NALCN: variants seen among roughly 807,000 people sequenced by gnomAD.
NALCN encodes sodium leak channel NALCN.
Under a neutral mutation model 225.3 loss-of-function variants are expected in NALCN, and 111 were observed. The observed-to-expected ratio is 0.49, with a 90% CI of 0.42 to 0.58. The LOEUF (loss-of-function observed/expected upper bound fraction) is 0.58, where lower values mean the gene tolerates loss of function less well. Ranked by LOEUF, NALCN falls within the 20% of genes least tolerant of loss-of-function variation. NALCN has a pLI of 0.00. For synonymous variants in NALCN, 764 were observed against 769.0 expected (o/e 0.99, Z 0.11); for missense variants, 1,378 against 2,202.4 (o/e 0.63, Z 7.49).
Position 101,059,964 on chromosome 13 carries a change from G to A in NALCN, c.4759C>T (p.Gln1587Ter). Reference protein sequence around the residue: ...KKCLKRIRAKQQQSCSIIHSL... With the variant: ...KKCLKRIRAK Reference sequence around the variant, plus strand: ...TGGATGATACTGCACGACTGCTGCTGTTTCTATGGAAATGCGATTGTTTGT... The same window carrying A: ...TGGATGATACTGCACGACTGCTGCTATTTCTATGGAAATGCGATTGTTTGT... Residue 1587 changes from glutamine (Q) to a stop codon, truncating the protein, a stop_gained, in exon 42 of 44, where the codon CAG becomes TAG. Transcript: ENST00000251127. LOFTEE classifies it high-confidence loss of function. 1 of 1,613,854 alleles carries A rather than the reference G, an allele frequency of 6.2e-7. No homozygotes were observed.
chr13:101,250,221 T>A (rs2140189142), intron 11 of NALCN, among the ~76,000 whole-genome samples: 1 of 152,212 alleles, frequency 6.6e-6, no homozygotes, highest in South Asian at 2.1e-4. Context: ...TTAGAATAAC[T>A]GAATAGAGAT....
At chr13:101,151,696 T>C (rs886723710) in intron 15 of NALCN, among the ~76,000 whole-genome samples, 7 of 152,214 alleles carry the variant, frequency 4.6e-5, no homozygotes, top group Admixed American at 3.3e-4. Flanking sequence ...ATTCAGAACA[T>C]AGAGTCTTGC....
Position 101,278,793 on chromosome 13 carries a change from T to C in NALCN, c.1134+5140A>G, listed in dbSNP as rs138716813. Among the ~76,000 whole-genome samples, 137 of 152,290 alleles carry C rather than the reference T, an allele frequency of 9.0e-4. 1 individual carries two copies. The highest frequency in any genetic ancestry group is 3.2e-3 in the African/African-American group (132 of 41,568). On this transcript the variant is annotated intron_variant, in intron 10 of 43. Coordinates refer to ENST00000251127, the MANE Select transcript of NALCN (RefSeq NM_052867.4). ...GCACTTTCTGGAAGCAAACTCCAAGTGTACTGCTTGCTTTAGACTCCAACG... is the reference window on the plus strand; with the variant it reads ...GCACTTTCTGGAAGCAAACTCCAAGCGTACTGCTTGCTTTAGACTCCAACG...
intron 33 of NALCN, among the ~76,000 whole-genome samples, chr13:101,082,362 T>G (rs891844459): frequency 6.6e-5 from 10 of 152,182 alleles, no homozygotes; most frequent in African/African-American, 2.2e-4. Context: ...CAAAAGGCCA[T>G]AGATTTTGGG....
intron 9 of NALCN, among the ~76,000 whole-genome samples, chr13:101,284,776 C>T (rs9513880): frequency 0.26 from 38,965 of 151,934 alleles, 5,739 homozygotes; most frequent in South Asian, 0.33. Context: ...GAATTAGATA[C>T]CTAGGTTATT....
rs2040979657 is a variant in NALCN at position 101,222,501 on chromosome 13, T to G, written c.1626+6892A>C. 1.3e-5 allele frequency among the ~76,000 whole-genome samples: 2 copies of G among 152,058 alleles called. 1 individual carries two copies. The highest frequency in any genetic ancestry group is 2.9e-5 in the Non-Finnish European group (2 of 68,016). On this transcript the variant is annotated intron_variant, in intron 13 of 43. Transcript: ENST00000251127. ...TTTCACCATCTTACTTCCACTCACATAAAGGGAGCCCCAGACTGGTTTATA... is the reference window on the plus strand; with the variant it reads ...TTTCACCATCTTACTTCCACTCACAGAAAGGGAGCCCCAGACTGGTTTATA...
intron 35 of NALCN, 80 bp from the exon 36 acceptor site, chr13:101,074,742 GAAT>G: frequency 3.2e-6 from 4 of 1,233,136 alleles, no homozygotes; most frequent in South Asian, 1.6e-5. Flanking sequence ...GAGAGAGAGA[GAAT>G]ATTCAATCTA....
intron 15 of NALCN, among the ~76,000 whole-genome samples, chr13:101,151,823 G>A (rs1224019518): frequency 6.6e-6 from 1 of 152,156 alleles, no homozygotes; most frequent in Non-Finnish European, 1.5e-5. Context: ...GATCACACAT[G>A]TTGGTTTTTA....
chr13:101,208,076 AAACAACTCCCAACAGGAGGAACG>A (rs1329976743), intron 13 of NALCN, among the ~76,000 whole-genome samples: 6 of 152,106 alleles, frequency 3.9e-5, no homozygotes, highest in African/African-American at 1.4e-4. Flanking sequence ...CAGGAGGGAC[AAACAACTCCCAACAGGAGGAACG>A]AACAACTCCA....
chr13:101,170,785 C>T (rs112523617), intron 15 of NALCN, among the ~76,000 whole-genome samples: 185 of 152,266 alleles, frequency 1.2e-3, no homozygotes, highest in Non-Finnish European at 2.2e-3. Flanking sequence ...AATTTCACAG[C>T]TCTGAATTTA....
At chr13:101,145,015 C>A (rs2037278963) in intron 15 of NALCN, 119 bp from the exon 16 acceptor site, 5 of 1,103,994 alleles carry the variant, frequency 4.5e-6, no homozygotes, top group African/African-American at 1.6e-5. Flanking sequence ...CAGTAGATGG[C>A]AGCAAAGGCC....
At chr13:101,119,180 G>C (rs1040869765) in intron 18 of NALCN, among the ~76,000 whole-genome samples, 1 of 152,114 alleles carries the variant, frequency 6.6e-6, no homozygotes, top group African/African-American at 2.4e-5. Context: ...CATAATTGCA[G>C]ATTAATAAAT....
At chr13:101,200,763 A>C (rs1462001403) in intron 13 of NALCN, among the ~76,000 whole-genome samples, 1 of 152,170 alleles carries the variant, frequency 6.6e-6, no homozygotes, top group Non-Finnish European at 1.5e-5. Flanking sequence ...AGACTTCCTT[A>C]GAGTTAGGTG....
intron 15 of NALCN, among the ~76,000 whole-genome samples, chr13:101,170,244 G>A (rs1183937145): frequency 1.3e-5 from 2 of 152,180 alleles, no homozygotes; most frequent in Admixed American, 6.5e-5. Context: ...GGAAGCCAGG[G>A]CAACATTTTG....
chr13:101,385,827 C>G (rs1163173316), intron 3 of NALCN, among the ~76,000 whole-genome samples: 1 of 152,130 alleles, frequency 6.6e-6, no homozygotes, highest in Non-Finnish European at 1.5e-5. Context: ...CACACCCTAC[C>G]CTGCTCCAAC....
At chr13:101,106,227 G>T (rs977155192) in intron 22 of NALCN, among the ~76,000 whole-genome samples, 1 of 151,806 alleles carries the variant, frequency 6.6e-6, no homozygotes, top group African/African-American at 2.4e-5. Context: ...ATTAGATTAG[G>T]GCCCACCCTA....
At position 101,380,785 on chromosome 13, in the gene NALCN, G is replaced by T. The variant is rs572701851; in HGVS notation, c.292-2132C>A. ...AATGGAAGTTATTTGACCCAAAAAT[G>T]AAGTATAAACTCAACTTAATGAACA... is the stretch of plus-strand genomic sequence containing the variant. On this transcript the variant is annotated intron_variant, in intron 3 of 43. Transcript: ENST00000251127. Among the ~76,000 whole-genome samples the T allele has an allele frequency of 2.0e-5, 3 of 151,480 alleles. No individual in the cohort carries two copies. In the South Asian group the frequency reaches 6.2e-4, roughly 32 times the overall value.
At chr13:101,337,132 C>T (rs2045401478) in intron 7 of NALCN, among the ~76,000 whole-genome samples, 1 of 152,030 alleles carries the variant, frequency 6.6e-6, no homozygotes, top group Admixed American at 6.6e-5. Context: ...TATTTATATT[C>T]TTTCATTCAA....
At chr13:101,384,547 C>T (rs929802904) in intron 3 of NALCN, among the ~76,000 whole-genome samples, 3 of 152,088 alleles carry the variant, frequency 2.0e-5, no homozygotes, top group Non-Finnish European at 2.9e-5. Flanking sequence ...CCCAAGTTTC[C>T]AGGGCCCATC....
Sources: allele counts gnomAD v4.1 joint callset (sites outside exome capture counted in the v4.1 genomes callset), GRCh38; gene constraint gnomAD v4.1.1; transcripts MANE v1.5; gene names NCBI Gene and HGNC (gene_info 2026-07-23, HGNC 2026-07-21).